The following LMBRD1 variants were observed in gnomAD, a reference collection of about 807,000 sequenced individuals.
LMBRD1 encodes lysosomal cobalamin transport escort protein LMBD1.
Under a neutral mutation model 74.8 loss-of-function variants are expected in LMBRD1, and 64 were observed. The ratio of observed to expected loss-of-function variants is 0.86; its 90% CI spans 0.70 to 1.05. The LOEUF (loss-of-function observed/expected upper bound fraction) is 1.05. Among genes scored for constraint, LMBRD1 ranks in the 50% least tolerant of loss-of-function variants. LMBRD1 has a pLI of 0.00. For synonymous variants in LMBRD1, 204 were observed against 216.3 expected (o/e 0.94, Z 0.50); for missense variants, 652 against 645.9 (o/e 1.01, Z -0.10).
At chr6:69,715,883 T>C (rs1766478327) in intron 8 of LMBRD1, among the ~76,000 whole-genome samples, 1 of 152,128 alleles carries the variant, frequency 6.6e-6, no homozygotes, top group South Asian at 2.1e-4. Flanking sequence ...AGATTTTCTG[T>C]TCATGTGTTA....
intron 2 of LMBRD1, among the ~76,000 whole-genome samples, chr6:69,787,866 C>T (rs927917683): frequency 2.6e-5 from 4 of 152,254 alleles, no homozygotes; most frequent in South Asian, 2.1e-4. Context: ...AGTGTGTTAA[C>T]TACAGCCATA....
At chr6:69,744,107 A>G (rs1767165826) in intron 5 of LMBRD1, among the ~76,000 whole-genome samples, 1 of 152,246 alleles carries the variant, frequency 6.6e-6, no homozygotes. Context: ...CTAAAGTATC[A>G]GGTATACTAA....
At chr6:69,697,083 A>G (rs1219433235) in intron 14 of LMBRD1, among the ~76,000 whole-genome samples, 1 of 151,836 alleles carries the variant, frequency 6.6e-6, no homozygotes, top group Non-Finnish European at 1.5e-5. Flanking sequence ...AATTTTTGTC[A>G]GAGTACACAT....
At chr6:69,786,171 G>A (rs954397849) in intron 2 of LMBRD1, among the ~76,000 whole-genome samples, 10 of 152,234 alleles carry the variant, frequency 6.6e-5, no homozygotes, top group East Asian at 3.9e-4. Flanking sequence ...TTAATCTCCA[G>A]TACCTACAAT....
intron 3 of LMBRD1, among the ~76,000 whole-genome samples, chr6:69,776,023 C>T (rs1461789321): frequency 6.6e-6 from 1 of 152,180 alleles, no homozygotes; most frequent in Non-Finnish European, 1.5e-5. Context: ...TCAATATATA[C>T]TTTTCTGATA....
chr6:69,719,139 A>AT, intron 7 of LMBRD1, 58 bp from the exon 8 acceptor site: 2 of 1,519,244 alleles, frequency 1.3e-6, no homozygotes, highest in Non-Finnish European at 1.8e-6. Flanking sequence ...ATTATACACA[A>AT]TTTTAGGTTA....
At chr6:69,736,196 C>G (rs148370100) in intron 7 of LMBRD1, among the ~76,000 whole-genome samples, 3 of 152,168 alleles carry the variant, frequency 2.0e-5, no homozygotes, top group African/African-American at 4.8e-5. Flanking sequence ...AATTGACCCC[C>G]CCTCCGCCGA....
At chr6:69,795,776 ATTCTT>A (rs763254858) in intron 1 of LMBRD1, among the ~76,000 whole-genome samples, 22 of 152,184 alleles carry the variant, frequency 1.4e-4, no homozygotes, top group East Asian at 7.7e-4. Context: ...TTTTCACACC[ATTCTT>A]TTCTTTTATT....
chr6:69,694,172 G>A (rs1562086627), intron 14 of LMBRD1, among the ~76,000 whole-genome samples: 1 of 152,018 alleles, frequency 6.6e-6, no homozygotes, highest in Non-Finnish European at 1.5e-5. Flanking sequence ...AATTCACTCA[G>A]TCCAGTAATA....
intron 14 of LMBRD1, among the ~76,000 whole-genome samples, chr6:69,676,908 A>G (rs1397918560): frequency 2.0e-5 from 3 of 152,214 alleles, no homozygotes; most frequent in Non-Finnish European, 4.4e-5. Flanking sequence ...ATGAACATCA[A>G]GAAGAAAGAA....
intron 5 of LMBRD1, among the ~76,000 whole-genome samples, 166 bp downstream of exon 5, chr6:69,749,174 CA>C (rs1472908420): frequency 1.3e-5 from 2 of 151,772 alleles, no homozygotes; most frequent in African/African-American, 4.8e-5. Flanking sequence ...ACAACATAGA[CA>C]AAACTGTTAA....
chr6:69,792,301 C>A (rs1443120009), intron 1 of LMBRD1, among the ~76,000 whole-genome samples: 1 of 152,216 alleles, frequency 6.6e-6, no homozygotes, highest in Non-Finnish European at 1.5e-5. Flanking sequence ...TGAGATCCCA[C>A]CAGTGTTTGG....
chr6:69,741,828 CCCA>C lies in LMBRD1; in HGVS notation c.520_522del (p.Trp174del). 1 of 1,607,470 alleles carries C rather than the reference CCCA, an allele frequency of 6.2e-7. No homozygotes were observed. On this transcript the variant is annotated inframe_deletion, in exon 6 of 16. Transcript: ENST00000649934. ...TCTTCAAATAGGGACTTCACTTTTT[CCCA>C]CTCTGTAGAATTTTTGTTATTGGGA... is the stretch of plus-strand genomic sequence containing the variant.
At chr6:69,721,064 A>AG (rs1766603974) in intron 7 of LMBRD1, among the ~76,000 whole-genome samples, 1 of 152,220 alleles carries the variant, frequency 6.6e-6, no homozygotes, top group Non-Finnish European at 1.5e-5. Context: ...CACCAGCCAG[A>AG]GGGGAATCAC....
intron 14 of LMBRD1, among the ~76,000 whole-genome samples, chr6:69,684,047 T>A (rs917373288): frequency 6.6e-6 from 1 of 151,786 alleles, no homozygotes; most frequent in Admixed American, 6.6e-5. Context: ...ACAATCAACA[T>A]GAGGGAAAAA....
intron 8 of LMBRD1, among the ~76,000 whole-genome samples, chr6:69,714,970 T>C (rs1300986554): frequency 6.6e-6 from 1 of 152,100 alleles, no homozygotes; most frequent in Non-Finnish European, 1.5e-5. Context: ...AATTTGAATT[T>C]CTACCAAATT....
chr6:69,679,034 T>C (rs1292848009), intron 14 of LMBRD1, among the ~76,000 whole-genome samples: 1 of 138,688 alleles, frequency 7.2e-6, no homozygotes, highest in Non-Finnish European at 1.6e-5. Context: ...TGTCTCTTTC[T>C]GGTTAAAACA....
chr6:69,704,848 T>C (rs1168697092), intron 9 of LMBRD1, among the ~76,000 whole-genome samples: 1 of 152,126 alleles, frequency 6.6e-6, no homozygotes. Flanking sequence ...GCTTTTATCT[T>C]ATTTTCTTCT....
At position 69,706,233 on chromosome 6, in the gene LMBRD1, G is replaced by A. The variant is rs143768662; in HGVS notation, c.916-4280C>T. On this transcript the variant is annotated intron_variant, in intron 9 of 15. Coordinates refer to ENST00000649934, the MANE Select transcript of LMBRD1 (RefSeq NM_018368.4). ...ACAACCACAGCTCAAGAGAACAGCC[G>A]CACAGGACAGAATCACATCAGGGAC... 277 of 381,072 alleles carry A rather than the reference G, an allele frequency of 7.3e-4. 1 individual carries two copies. Among genetic ancestry groups the A allele is most frequent in the African/African-American group, 5.4e-3 (260 of 48,244 alleles). The allele number at this position is 381,072 out of a possible 1,614,324, so 23.6% of individuals were successfully genotyped here. A position where few individuals can be genotyped will look rare whatever the true frequency, so the allele number is the denominator to read the frequency against.
Sources: gnomAD v4.1 joint callset for allele counts (sites outside exome capture counted in the v4.1 genomes callset) on GRCh38, gnomAD v4.1.1 for gene constraint, MANE v1.5 for transcripts, NCBI Gene and HGNC (gene_info 2026-07-23, HGNC 2026-07-21) for gene names.